The following GRIK3 variants were observed in gnomAD, a reference collection of about 807,000 sequenced individuals.
GRIK3 encodes the protein glutamate receptor ionotropic, kainate 3.
Under a neutral mutation model 102.5 loss-of-function variants are expected in GRIK3, and 29 were observed. The ratio of observed to expected loss-of-function variants is 0.28; its 90% CI spans 0.21 to 0.39. The LOEUF (loss-of-function observed/expected upper bound fraction) is 0.39, where lower values mean the gene tolerates loss of function less well. Ranked by LOEUF, GRIK3 falls within the 10% of genes least tolerant of loss-of-function variation. The pLI is 1.00. For missense variants in GRIK3, 908 were observed against 1,252.4 expected, an observed-to-expected ratio of 0.73 and a Z score of 4.15; for synonymous variants, 511 against 504.9, an observed-to-expected ratio of 1.01 and a Z score of -0.16.
chr1:36,838,341 G>C (rs1640405543), intron 10 of GRIK3, among the ~76,000 whole-genome samples: 1 of 152,178 alleles, frequency 6.6e-6, no homozygotes, highest in Non-Finnish European at 1.5e-5. Flanking sequence ...AAAACACATG[G>C]GAATAATTTA....
At chr1:36,992,022 T>C (rs1642368347) in intron 1 of GRIK3, among the ~76,000 whole-genome samples, 1 of 152,118 alleles carries the variant, frequency 6.6e-6, no homozygotes, top group South Asian at 2.1e-4. Context: ...AAAGAGGACC[T>C]GGGGGGTGGT....
chr1:36,958,426 C>CATGAGCCTGTGTGCCCA (rs1641952472), intron 1 of GRIK3, among the ~76,000 whole-genome samples: 1 of 117,704 alleles, frequency 8.5e-6, no homozygotes, highest in Admixed American at 8.9e-5. Context: ...GTCTGTGCCC[C>CATGAGCCTGTGTGCCCA]GTGACTCTGT....
At chr1:36,890,419 G>A (rs920596674) in intron 2 of GRIK3, among the ~76,000 whole-genome samples, 1 of 151,532 alleles carries the variant, frequency 6.6e-6, no homozygotes, top group Non-Finnish European at 1.5e-5. Context: ...AGCAGAGATC[G>A]CACCACTGTA....
intron 1 of GRIK3, among the ~76,000 whole-genome samples, chr1:36,937,715 C>A (rs527621020): frequency 6.6e-6 from 1 of 152,286 alleles, no homozygotes; most frequent in African/African-American, 2.4e-5. Flanking sequence ...TAAACGAACT[C>A]TTTGGAAACA....
intron 10 of GRIK3, among the ~76,000 whole-genome samples, chr1:36,835,486 C>T (rs1478187534): frequency 6.6e-6 from 1 of 152,212 alleles, no homozygotes; most frequent in Non-Finnish European, 1.5e-5. Flanking sequence ...CCCTCTATGG[C>T]AACCAGCTCA....
At chr1:36,926,342 T>C (rs544479610) in intron 1 of GRIK3, among the ~76,000 whole-genome samples, 2 of 151,846 alleles carry the variant, frequency 1.3e-5, no homozygotes, top group East Asian at 3.9e-4. Context: ...GAACAATGCA[T>C]GTACTTGAGG....
At chr1:36,944,335 C>T (rs1322650752) in intron 1 of GRIK3, among the ~76,000 whole-genome samples, 1 of 152,036 alleles carries the variant, frequency 6.6e-6, no homozygotes, top group Non-Finnish European at 1.5e-5. Flanking sequence ...GAACGTTGTG[C>T]CCTGGAGATA....
rs56296966 is a variant in GRIK3, at chr1:37,014,933, G to GTCTC, written c.115+19057_115+19060dup. ...TTTCTCTCTCTCTCTCTCTGTTTTTGTCTCTCTCTCTCTCTCTCTCTCTCT... is the reference window on the plus strand; with the variant it reads ...TTTCTCTCTCTCTCTCTCTGTTTTTGTCTCTCTCTCTCTCTCTCTCTCTCTCTCT... On this transcript the variant is annotated intron_variant, in intron 1 of 15. Coordinates refer to ENST00000373091, the MANE Select transcript of GRIK3 (RefSeq NM_000831.4). 4.2e-3 allele frequency among the ~76,000 whole-genome samples: 590 copies of GTCTC among 139,808 alleles called. 4 individuals carry two copies. The highest frequency in any genetic ancestry group is 0.029 in the South Asian group (123 of 4,296). The allele number at this position is 139,808 out of a possible 152,430, so 91.7% of individuals were successfully genotyped here.
intron 11 of GRIK3, among the ~76,000 whole-genome samples, chr1:36,820,271 T>A (rs1332225823): frequency 6.6e-6 from 1 of 152,184 alleles, no homozygotes; most frequent in Non-Finnish European, 1.5e-5. Flanking sequence ...TACTGTGAAA[T>A]ATTATGCAGC....
intron 9 of GRIK3, among the ~76,000 whole-genome samples, chr1:36,844,136 T>TG (rs1310775826): frequency 1.3e-5 from 2 of 152,198 alleles, no homozygotes; most frequent in Non-Finnish European, 2.9e-5. Flanking sequence ...CTTGATCCAC[T>TG]GGAGCTTTTC....
chr1:36,909,457 C>G (rs751696782), intron 1 of GRIK3, among the ~76,000 whole-genome samples: 1 of 152,084 alleles, frequency 6.6e-6, no homozygotes, highest in Non-Finnish European at 1.5e-5. Flanking sequence ...CGCCACCATG[C>G]CTGGCTAATT....
intron 5 of GRIK3, among the ~76,000 whole-genome samples, chr1:36,862,629 T>C (rs513823): frequency 0.061 from 9,199 of 151,868 alleles, 752 homozygotes; most frequent in African/African-American, 0.18. Context: ...AGAGAATAAA[T>C]ATCCCAGAAG....
chr1:36,901,466 A>G (rs1488882903), intron 1 of GRIK3, among the ~76,000 whole-genome samples: 1 of 152,228 alleles, frequency 6.6e-6, no homozygotes, highest in African/African-American at 2.4e-5. Context: ...AGATGCAGAA[A>G]ATGCATTTGA....
At chr1:36,990,714 A>C (rs1642355357) in intron 1 of GRIK3, among the ~76,000 whole-genome samples, 1 of 152,212 alleles carries the variant, frequency 6.6e-6, no homozygotes, top group South Asian at 2.1e-4. Context: ...CTATAGATGC[A>C]GTCACAAGGG....
chr1:36,802,905 C>T (rs1327352450), intron 15 of GRIK3, among the ~76,000 whole-genome samples: 4 of 152,052 alleles, frequency 2.6e-5, no homozygotes, highest in African/African-American at 7.3e-5. Flanking sequence ...GAATGTCATC[C>T]CTCCTTGCCT....
At chr1:36,929,502 A>G (rs1641564724) in intron 1 of GRIK3, among the ~76,000 whole-genome samples, 1 of 152,240 alleles carries the variant, frequency 6.6e-6, no homozygotes, top group South Asian at 2.1e-4. Context: ...TCCATAGGAC[A>G]TGAATTTCTG....
chr1:36,885,289 G>GTA (rs1169627159), intron 2 of GRIK3, among the ~76,000 whole-genome samples: 1 of 152,198 alleles, frequency 6.6e-6, no homozygotes, highest in Non-Finnish European at 1.5e-5. Flanking sequence ...AACGTTGATG[G>GTA]TACTGACAGT....
chr1:36,860,461 A>C (rs796973060), intron 5 of GRIK3, among the ~76,000 whole-genome samples: 9 of 152,334 alleles, frequency 5.9e-5, no homozygotes, highest in African/African-American at 2.2e-4. Flanking sequence ...GATATTTAAA[A>C]ATAGTCTTTT....
intron 13 of GRIK3, among the ~76,000 whole-genome samples, chr1:36,808,942 C>T (rs759300369): frequency 1.4e-4 from 22 of 152,300 alleles, no homozygotes; most frequent in Non-Finnish European, 2.4e-4. Flanking sequence ...GCCAGATACA[C>T]GTGTTCCTGA....
Sources: gnomAD v4.1 joint callset for allele counts (sites outside exome capture counted in the v4.1 genomes callset) on GRCh38, gnomAD v4.1.1 for gene constraint, MANE v1.5 for transcripts, NCBI Gene and HGNC (gene_info 2026-07-23, HGNC 2026-07-21) for gene names.